The following RIMS2 variants were observed in gnomAD, a reference collection of about 807,000 sequenced individuals.
RIMS2 encodes regulating synaptic membrane exocytosis 2.
RIMS2 carries 59 observed loss-of-function variants against 174.4 expected under a neutral mutation model. The observed-to-expected ratio is 0.34, with a 90% CI of 0.27 to 0.42. The LOEUF (loss-of-function observed/expected upper bound fraction) is 0.42. Among genes scored for constraint, RIMS2 ranks in the 10% least tolerant of loss-of-function variants. The probability of loss-of-function intolerance (pLI) is 1.00; values close to 1 mark genes in which losing one functional copy is unlikely to be tolerated. For synonymous variants in RIMS2, 606 were observed against 572.5 expected, an observed-to-expected ratio of 1.06 and a Z score of -0.84; for missense variants, 1,620 against 1,666.3, an observed-to-expected ratio of 0.97 and a Z score of 0.48.
intron 19 of RIMS2, among the ~76,000 whole-genome samples, chr8:104,050,910 C>T (rs1281380864): frequency 1.3e-5 from 2 of 152,040 alleles, no homozygotes; most frequent in Admixed American, 6.6e-5. Flanking sequence ...AAGCTCTATA[C>T]TTCTATATCT....
At chr8:103,819,563 G>A (rs755894189) in intron 3 of RIMS2, 5 of 1,613,508 alleles carry the variant, frequency 3.1e-6, no homozygotes, top group Non-Finnish European at 4.2e-6. Context: ...CATTTTCATG[G>A]GGTTTTTTCA....
At chr8:103,565,049 T>A (rs1020172084) in intron 1 of RIMS2, among the ~76,000 whole-genome samples, 1 of 152,214 alleles carries the variant, frequency 6.6e-6, no homozygotes, top group African/African-American at 2.4e-5. Flanking sequence ...GTTCTATTTA[T>A]GTTGTCATCT....
chr8:103,888,031 T>C (rs971046561), intron 4 of RIMS2, among the ~76,000 whole-genome samples: 7 of 151,496 alleles, frequency 4.6e-5, no homozygotes, highest in Non-Finnish European at 1.0e-4. Flanking sequence ...AAACAACACT[T>C]GTAAGAATAA....
At chr8:104,011,827 G>A (rs994458475) in intron 17 of RIMS2, among the ~76,000 whole-genome samples, 1 of 151,858 alleles carries the variant, frequency 6.6e-6, no homozygotes, top group Non-Finnish European at 1.5e-5. Flanking sequence ...CTTAAAAATA[G>A]GCTTTAAGCA....
chr8:103,791,296 C>A (rs1192854946), intron 3 of RIMS2, among the ~76,000 whole-genome samples: 1 of 152,130 alleles, frequency 6.6e-6, no homozygotes, highest in Non-Finnish European at 1.5e-5. Context: ...AATTTTCAAT[C>A]CAGAATTTCA....
intron 19 of RIMS2, among the ~76,000 whole-genome samples, chr8:104,189,229 G>T (rs753399981): frequency 4.6e-5 from 7 of 151,972 alleles, no homozygotes; most frequent in Non-Finnish European, 1.0e-4. Context: ...TTCGAAACAA[G>T]GAATGGGAAG....
At chr8:104,199,535 G>C (rs1222794608) in intron 19 of RIMS2, among the ~76,000 whole-genome samples, 1 of 152,096 alleles carries the variant, frequency 6.6e-6, no homozygotes, top group East Asian at 1.9e-4. Context: ...AACTGAAATC[G>C]TCAGTATGCC....
exon 3 of RIMS2, chr8:103,766,400 C>T: frequency 6.2e-7 from 1 of 1,613,732 alleles, no homozygotes; most frequent in Non-Finnish European, 8.5e-7. Context: ...ATGAGCAGAC[C>T]CAGTTCCAAG....
At chr8:104,171,439 A>C (rs1366527204) in intron 19 of RIMS2, among the ~76,000 whole-genome samples, 1 of 151,766 alleles carries the variant, frequency 6.6e-6, no homozygotes, top group Admixed American at 6.6e-5. Flanking sequence ...GAAACTTTCC[A>C]CTGCATTTTG....
At chr8:103,652,515 C>A in intron 1 of RIMS2, 109 bp from the exon 3 acceptor site, 1 of 515,228 alleles carries the variant, frequency 1.9e-6, no homozygotes, top group Non-Finnish European at 3.4e-6. Flanking sequence ...CTCACATTAC[C>A]ATTGGCTGTA....
chr8:104,134,397 G>A (rs1364974243), intron 19 of RIMS2, among the ~76,000 whole-genome samples: 6 of 152,130 alleles, frequency 3.9e-5, no homozygotes, highest in Admixed American at 6.5e-5. Context: ...CCCGGGAGGC[G>A]GAGCTTGCAG....
intron 19 of RIMS2, among the ~76,000 whole-genome samples, chr8:104,044,941 A>G (rs1399424587): frequency 6.6e-6 from 1 of 151,858 alleles, no homozygotes; most frequent in Non-Finnish European, 1.5e-5. Context: ...AAATTATTTT[A>G]GAAAAGGAAG....
chr8:104,023,365 C>T (rs971908401), intron 19 of RIMS2, among the ~76,000 whole-genome samples: 1 of 151,340 alleles, frequency 6.6e-6, no homozygotes, highest in African/African-American at 2.4e-5. Context: ...AAACAGGGAA[C>T]ATTGTTAGAA....
At chr8:103,630,143 GAC>G (rs781127625) in intron 1 of RIMS2, among the ~76,000 whole-genome samples, 49 of 88,154 alleles carry the variant, frequency 5.6e-4, no homozygotes, top group Non-Finnish European at 8.6e-4. Flanking sequence ...GAAAACTGAA[GAC>G]AAAAAAAAAA....
chr8:103,657,415 T>C (rs567843963), intron 1 of RIMS2, among the ~76,000 whole-genome samples: 1 of 152,318 alleles, frequency 6.6e-6, no homozygotes, highest in African/African-American at 2.4e-5. Context: ...CTAAAACTTC[T>C]CACAAGGCAC....
chr8:104,027,341 C>A (rs1024104165), intron 19 of RIMS2, among the ~76,000 whole-genome samples: 1 of 152,140 alleles, frequency 6.6e-6, no homozygotes, highest in Non-Finnish European at 1.5e-5. Flanking sequence ...TCCTTTCATT[C>A]TGGGAGCCTT....
chr8:103,781,422 C>T (rs1223725489), intron 3 of RIMS2, among the ~76,000 whole-genome samples: 1 of 152,022 alleles, frequency 6.6e-6, no homozygotes, highest in Non-Finnish European at 1.5e-5. Flanking sequence ...GGTTCTTTGT[C>T]ATTTTGGAAC....
At chr8:103,843,055 T>C (rs944569014) in intron 3 of RIMS2, among the ~76,000 whole-genome samples, 26 of 152,346 alleles carry the variant, frequency 1.7e-4, no homozygotes, top group Non-Finnish European at 8.8e-5. Flanking sequence ...GGTCTTCTTT[T>C]AATTAATCAC....
At chr8:103,591,338 A>G (rs1029169165) in intron 1 of RIMS2, among the ~76,000 whole-genome samples, 1 of 150,996 alleles carries the variant, frequency 6.6e-6, no homozygotes, top group Non-Finnish European at 1.5e-5. Flanking sequence ...GTGTTTTGCA[A>G]ATATTTTCTC....
Sources: allele counts gnomAD v4.1 joint callset (sites outside exome capture counted in the v4.1 genomes callset), GRCh38; gene constraint gnomAD v4.1.1; transcripts MANE v1.5; gene names NCBI Gene and HGNC (gene_info 2026-07-23, HGNC 2026-07-21).